Variants in TNNI3K observed in about 807,000 individuals in gnomAD.
The protein encoded by TNNI3K is TNNI3 interacting kinase.
Under a neutral mutation model 114.5 loss-of-function variants are expected in TNNI3K, and 140 were observed. The ratio of observed to expected loss-of-function variants is 1.22; its 90% CI spans 1.07 to 1.41. The LOEUF (loss-of-function observed/expected upper bound fraction) is 1.41, where lower values mean the gene tolerates loss of function less well. Ranked by LOEUF, TNNI3K falls within the 40% of genes most tolerant of loss-of-function variation. The pLI, the probability that TNNI3K is intolerant of heterozygous loss-of-function variation, is 0.00. For synonymous variants in TNNI3K, 347 were observed against 347.5 expected, an observed-to-expected ratio of 1.00 and a Z score of 0.02; for missense variants, 1,125 against 1,007.6, an observed-to-expected ratio of 1.12 and a Z score of -1.58.
intron 21 of TNNI3K, chr1:74,470,333 A>G (rs1667861496): frequency 7.5e-6 from 3 of 400,412 alleles, no homozygotes. Flanking sequence ...ATCTGAGTTA[A>G]CATACTAGAA....
intron 9 of TNNI3K, among the ~76,000 whole-genome samples, chr1:74,350,818 G>C (rs1197942555): frequency 3.3e-5 from 5 of 151,972 alleles, no homozygotes; most frequent in Admixed American, 6.6e-5. Context: ...TCATTTGCTT[G>C]GTAGATCTTC....
At chr1:74,523,810 A>G (rs1380782545) in intron 23 of TNNI3K, among the ~76,000 whole-genome samples, 3 of 152,218 alleles carry the variant, frequency 2.0e-5, no homozygotes, top group East Asian at 1.9e-4. Flanking sequence ...GTTCTGGGAT[A>G]CATGTGCAGA....
intron 9 of TNNI3K, among the ~76,000 whole-genome samples, chr1:74,350,301 C>A (rs1177897624): frequency 6.6e-6 from 1 of 152,144 alleles, no homozygotes; most frequent in Admixed American, 6.5e-5. Flanking sequence ...TTACTTAATC[C>A]TGAGTTCTAG....
chr1:74,516,229 C>T (rs1646346316), intron 23 of TNNI3K, among the ~76,000 whole-genome samples: 1 of 152,164 alleles, frequency 6.6e-6, no homozygotes, highest in Non-Finnish European at 1.5e-5. Flanking sequence ...AAAATTTTGA[C>T]TAATGTTGAA....
At chr1:74,259,793 C>G (rs1655558528) in intron 4 of TNNI3K, among the ~76,000 whole-genome samples, 1 of 151,908 alleles carries the variant, frequency 6.6e-6, no homozygotes, top group Admixed American at 6.6e-5. Flanking sequence ...AACAAACAAA[C>G]AAAAAACTAA....
chr1:74,522,228 G>C (rs1220810704), intron 23 of TNNI3K, among the ~76,000 whole-genome samples: 1 of 152,180 alleles, frequency 6.6e-6, no homozygotes, highest in Non-Finnish European at 1.5e-5. Context: ...AGACTCAGGG[G>C]CTTCAAAGAG....
chr1:74,276,632 G>C (rs551389003), intron 5 of TNNI3K, among the ~76,000 whole-genome samples: 8 of 152,066 alleles, frequency 5.3e-5, no homozygotes, highest in Non-Finnish European at 1.2e-4. Context: ...ATCAGTGGGT[G>C]TTCTGTTTCA....
chr1:74,255,917 G>A (rs1438258711), intron 4 of TNNI3K, among the ~76,000 whole-genome samples: 2 of 152,090 alleles, frequency 1.3e-5, no homozygotes, highest in African/African-American at 4.8e-5. Flanking sequence ...CTTATCATAA[G>A]GCTATTGGGA....
chr1:74,485,246 A>G (rs1352025421), intron 21 of TNNI3K, among the ~76,000 whole-genome samples: 1 of 152,218 alleles, frequency 6.6e-6, no homozygotes, highest in Non-Finnish European at 1.5e-5. Flanking sequence ...CTTGCAGAGT[A>G]CAGTGAATTT....
chr1:74,302,373 A>G (rs1270460166), intron 5 of TNNI3K, among the ~76,000 whole-genome samples: 2 of 152,246 alleles, frequency 1.3e-5, no homozygotes, highest in Non-Finnish European at 2.9e-5. Flanking sequence ...AATGGCTTCT[A>G]AGTGTTCAAG....
intron 17 of TNNI3K, among the ~76,000 whole-genome samples, chr1:74,399,266 G>C (rs1485787773): frequency 6.6e-6 from 1 of 151,478 alleles, no homozygotes; most frequent in African/African-American, 2.4e-5. Flanking sequence ...GAAAGACTTG[G>C]AATTTTCCCC....
chr1:74,341,734 A>C (rs1660756623), intron 7 of TNNI3K: 2 of 152,150 alleles, frequency 1.3e-5, no homozygotes, highest in Non-Finnish European at 2.9e-5. Context: ...ATCATGCCCA[A>C]ATGTGGTCCT....
intron 2 of TNNI3K, among the ~76,000 whole-genome samples, chr1:74,246,840 G>C (rs1654591933): frequency 6.6e-6 from 1 of 152,166 alleles, no homozygotes; most frequent in South Asian, 2.1e-4. Flanking sequence ...TGTTTTCAAA[G>C]TGGAAAAAAT....
intron 23 of TNNI3K, among the ~76,000 whole-genome samples, chr1:74,499,495 T>A (rs1669499609): frequency 6.6e-6 from 1 of 152,128 alleles, no homozygotes; most frequent in Admixed American, 6.5e-5. Context: ...TTATTGTCAA[T>A]CTCTCATTGT....
intron 5 of TNNI3K, among the ~76,000 whole-genome samples, chr1:74,319,979 A>C (rs1459280523): frequency 2.0e-5 from 3 of 152,224 alleles, no homozygotes; most frequent in Non-Finnish European, 4.4e-5. Flanking sequence ...GTTTGTATAC[A>C]GGTTCTGCCA....
intron 11 of TNNI3K, 47 bp from the exon 12 acceptor site, chr1:74,367,209 C>G (rs1404639126): frequency 1.3e-6 from 2 of 1,598,566 alleles, no homozygotes; most frequent in Non-Finnish European, 1.7e-6. Flanking sequence ...GACTGAATAA[C>G]TTAAACAAAA....
rs975367220 is a variant in TNNI3K, at chr1:74,296,132, C to T, written c.444+24424C>T. ...ACTACTAAAAATACAAAAAATTAGC[C>T]GGGCGAGGCGGCGGGCGCCTGTAGT... On this transcript the variant is annotated intron_variant, in intron 5 of 24. Transcript: ENST00000326637. 1.1e-4 allele frequency among the ~76,000 whole-genome samples: 16 copies of T among 152,010 alleles called. No homozygotes were observed. The South Asian group carries it at 2.9e-3, about 28-fold the overall frequency.
intron 21 of TNNI3K, 108 bp downstream of exon 21, chr1:74,463,658 G>A (rs567596135): frequency 5.5e-5 from 69 of 1,259,108 alleles, no homozygotes; most frequent in East Asian, 2.2e-4. Flanking sequence ...CTGTCAAGGC[G>A]GGAAGACTGA....
At chr1:74,247,573 GA>G (rs891479858) in intron 2 of TNNI3K, among the ~76,000 whole-genome samples, 2 of 152,184 alleles carry the variant, frequency 1.3e-5, no homozygotes, top group Non-Finnish European at 2.9e-5. Context: ...ACAGAGAGCT[GA>G]TTGGTCCGTT....
Sources: allele counts gnomAD v4.1 joint callset (sites outside exome capture counted in the v4.1 genomes callset), GRCh38; gene constraint gnomAD v4.1.1; transcripts MANE v1.5; gene names NCBI Gene and HGNC (gene_info 2026-07-23, HGNC 2026-07-21).